Variants in KDM5A observed in about 807,000 individuals in gnomAD.
KDM5A encodes lysine demethylase 5A, also known as lysine-specific demethylase 5A.
In KDM5A, 42 loss-of-function variants were observed where a neutral mutation model predicts 193.5. The observed-to-expected ratio is 0.22, with a 90% confidence interval of 0.17 to 0.28. The LOEUF (loss-of-function observed/expected upper bound fraction) is 0.28, where lower values mean the gene tolerates loss of function less well. Among genes scored for constraint, KDM5A ranks in the 10% least tolerant of loss-of-function variants. The pLI is 1.00. For missense variants in KDM5A, 1,692 were observed against 2,055.1 expected (o/e 0.82, Z 3.42); for synonymous variants, 796 against 718.1 (o/e 1.11, Z -1.73).
chr12:281,143 A>G lies in KDM5A; in HGVS notation c.*4313T>C, dbSNP rs1943150804. 3 of 233,158 alleles carry G rather than the reference A, an allele frequency of 1.3e-5. No individual in the cohort carries two copies. The highest frequency in any genetic ancestry group is 4.4e-5 in the African/African-American group (2 of 45,484). 14.4% of individuals were successfully genotyped at this position (233,158 alleles called of 1,614,324 possible). ...TCTTTTAGATGTAATGCAATTAACC[A>G]TATCTAATATTCTTTTAGAAAACAC... On this transcript the variant is annotated 3_prime_UTR_variant, in exon 28 of 28. Coordinates refer to ENST00000399788, the MANE Select transcript of KDM5A (RefSeq NM_001042603.3).
intron 8 of KDM5A, among the ~76,000 whole-genome samples, chr12:353,680 T>TG (rs1184114589): frequency 1.3e-5 from 2 of 152,142 alleles, no homozygotes; most frequent in Non-Finnish European, 1.5e-5. Flanking sequence ...CCCAGCACTC[T>TG]GGGAAGCCGA....
At chr12:362,482 G>C (rs1313915396) in intron 5 of KDM5A, among the ~76,000 whole-genome samples, 1 of 152,098 alleles carries the variant, frequency 6.6e-6, no homozygotes, top group African/African-American at 2.4e-5. Context: ...TAAAGGAATG[G>C]CAGGTGAAAA....
In KDM5A at chr12:307,708, T is replaced by G. The variant is rs779682808; in HGVS notation, c.3676A>C (p.Ile1226Leu). The change falls in exon 23 of 28, where the codon ATT becomes CTT. Residue 1226 changes from isoleucine to leucine, a missense_variant. Transcript: ENST00000399788. The surrounding 1 kb of genome is among the most constrained non-coding windows in gnomAD (Gnocchi z 4.3). ...TGAAGGGATACCAGGAGTGACAGAA[T>G]AGTCTCTAGCCTGGGCCTTCGAGAC... ...MRSRRPRLET[I>L]LSLLVSLQKL... 6.2e-7 allele frequency: 1 copy of G among 1,614,176 alleles called. No individual in the cohort carries two copies. Among genetic ancestry groups the G allele is most frequent in the Non-Finnish European group, 8.5e-7 (1 of 1,180,028 alleles).
intron 24 of KDM5A, among the ~76,000 whole-genome samples, chr12:305,018 T>C (rs1214212332): frequency 6.6e-6 from 1 of 152,232 alleles, no homozygotes. Context: ...CATTAACTTC[T>C]GGATAACAAC....
At chr12:326,539 G>A (rs964140144) in intron 14 of KDM5A, among the ~76,000 whole-genome samples, 1 of 152,178 alleles carries the variant, frequency 6.6e-6, no homozygotes, top group Non-Finnish European at 1.5e-5. Flanking sequence ...CAATAAAGAG[G>A]TCATGGGGAT....
chr12:333,574 G>A lies in KDM5A; in HGVS notation c.1566C>T (p.Ala522=), dbSNP rs779326896. The part of the protein sequence containing the change: ...EQLEEVMREL[A]PELFESQPDL... ...CAGGCTGGGATTCAAATAACTCGGG[G>A]GCCAGCTCTCTCATCACCTCCTCCA... Residue 522 remains alanine (A), a synonymous_variant, in exon 12 of 28, where the codon GCC becomes GCT. Coordinates refer to ENST00000399788, the MANE Select transcript of KDM5A (RefSeq NM_001042603.3). The A allele has an allele frequency of 3.7e-6, 6 of 1,613,910 alleles. No homozygotes were observed. Among genetic ancestry groups the A allele is most frequent in the South Asian group, 3.3e-5 (3 of 91,078 alleles).
chr12:388,658 C>G (rs911639791), intron 1 of KDM5A: 2 of 549,828 alleles, frequency 3.6e-6, no homozygotes, highest in Non-Finnish European at 6.5e-6. Context: ...TATCGGCTAA[C>G]GAAAGGCTTT....
At chr12:335,770 G>A (rs559244658) in intron 10 of KDM5A, among the ~76,000 whole-genome samples, 10 of 152,104 alleles carry the variant, frequency 6.6e-5, no homozygotes, top group East Asian at 5.8e-4. Context: ...GGCTGGGCAC[G>A]GTGGCTCACA....
Position 333,291 on chromosome 12 carries a change from C to T in KDM5A, c.1653+196G>A, listed in dbSNP as rs377619892. 1.5e-3 allele frequency: 948 copies of T among 619,468 alleles called. 19 individuals carry two copies. The South Asian group carries it at 0.016, about 11-fold the overall frequency. The allele number at this position is 619,468 out of a possible 1,614,324, so 38.4% of individuals were successfully genotyped here. A position where few individuals can be genotyped will look rare whatever the true frequency, so the allele number is the denominator to read the frequency against. On this transcript the variant is annotated intron_variant, in intron 12 of 27. Transcript: ENST00000399788. ...ACAATTAGCCGGGGGTGGTGGTGTG[C>T]TCCTATAGTCCCAGCTACTCATTAG...
intron 5 of KDM5A, among the ~76,000 whole-genome samples, chr12:361,624 C>T (rs541470020): frequency 2.0e-5 from 3 of 152,256 alleles, no homozygotes; most frequent in Admixed American, 6.5e-5. Flanking sequence ...GCAATTGGGG[C>T]AACTCTTCAA....
chr12:346,126 A>C (rs1944071474), intron 10 of KDM5A, among the ~76,000 whole-genome samples: 1 of 152,184 alleles, frequency 6.6e-6, no homozygotes, highest in African/African-American at 2.4e-5. Context: ...CCATCAGAGA[A>C]TACTATAAAC....
intron 3 of KDM5A, among the ~76,000 whole-genome samples, chr12:377,071 C>T (rs61907055): frequency 1.3e-5 from 2 of 151,900 alleles, no homozygotes; most frequent in Non-Finnish European, 2.9e-5. Flanking sequence ...AGCAGTACCT[C>T]TAAAATTAGG....
At chr12:340,143 G>A (rs1337729936) in intron 10 of KDM5A, among the ~76,000 whole-genome samples, 1 of 152,036 alleles carries the variant, frequency 6.6e-6, no homozygotes, top group Non-Finnish European at 1.5e-5. Context: ...CTCCCAAAGT[G>A]CTAGGATTAT....
rs747728677 is a variant in KDM5A, at chr12:307,418, C to T, written c.3930+36G>A. The T allele has an allele frequency of 3.1e-6, 5 of 1,590,216 alleles. No individual in the cohort carries two copies. In the East Asian group the frequency reaches 1.1e-4, roughly 35 times the overall value. Reference sequence around the variant, plus strand: ...TTACTATTTATACACTGACATATCCCATGAAATAGAAAAAGAATGTAAATC... The same window carrying T: ...TTACTATTTATACACTGACATATCCTATGAAATAGAAAAAGAATGTAAATC... On this transcript the variant is annotated intron_variant, in intron 23 of 27. Coordinates refer to ENST00000399788, the MANE Select transcript of KDM5A (RefSeq NM_001042603.3). This position sits in a 1 kb window ranked among gnomAD's most constrained non-coding sequence, Gnocchi z 4.3.
At chr12:363,222 A>C (rs981130427) in intron 4 of KDM5A, 125 bp from the exon 5 acceptor site, 17 of 1,084,422 alleles carry the variant, frequency 1.6e-5, no homozygotes, top group Non-Finnish European at 2.4e-5. Context: ...TCTCAAACTG[A>C]CATACAGCTA....
At chr12:346,758 A>G (rs975284653) in intron 10 of KDM5A, among the ~76,000 whole-genome samples, 1 of 152,244 alleles carries the variant, frequency 6.6e-6, no homozygotes, top group Non-Finnish European at 1.5e-5. Flanking sequence ...TATTGATGGA[A>G]TGTATCTCAA....
At chr12:329,177 G>T in intron 13 of KDM5A, 148 bp from the exon 14 acceptor site, 1 of 715,262 alleles carries the variant, frequency 1.4e-6, no homozygotes, top group Non-Finnish European at 2.4e-6. Context: ...TCTATTAACT[G>T]TAAATATTAA....
chr12:292,679 A>G, intron 27 of KDM5A, 80 bp downstream of exon 27: 7 of 1,564,444 alleles, frequency 4.5e-6, no homozygotes, highest in South Asian at 4.5e-5. Context: ...AAAACATACT[A>G]CACATTGATA....
rs3759371 is a variant in KDM5A, at chr12:355,088, T to C, written c.870+70A>G. 0.71 allele frequency: 641,925 copies of C among 909,240 alleles called. 228,819 individuals carry two copies. The highest frequency in any genetic ancestry group is 0.75 in the Middle Eastern group (3,537 of 4,712). The allele number at this position is 909,240 out of a possible 1,614,324, so 56.3% of individuals were successfully genotyped here. A position where few individuals can be genotyped will look rare whatever the true frequency, so the allele number is the denominator to read the frequency against. On this transcript the variant is annotated intron_variant, in intron 7 of 27. Transcript: ENST00000399788. ...CTAACTAAACACATACCATGATATA[T>C]CAGGATAGAAAGTGCAAAACTATAA...
Sources: allele counts gnomAD v4.1 joint callset (sites outside exome capture counted in the v4.1 genomes callset), GRCh38; gene constraint gnomAD v4.1.1; non-coding constraint Gnocchi (gnomAD v3.1); transcripts MANE v1.5; gene names NCBI Gene and HGNC (gene_info 2026-07-23, HGNC 2026-07-21).